Variants in ANKRD30A observed in about 807,000 individuals in gnomAD.
ANKRD30A encodes ankyrin repeat domain 30A.
In ANKRD30A, 170 loss-of-function variants were observed where a neutral mutation model predicts 166.3. The ratio of observed to expected loss-of-function variants is 1.02; its 90% CI spans 0.90 to 1.16. The LOEUF (loss-of-function observed/expected upper bound fraction) is 1.16, where lower values mean the gene tolerates loss of function less well. Ranked by LOEUF, ANKRD30A falls within the 50% of genes most tolerant of loss-of-function variation. The pLI is 0.00. For missense variants in ANKRD30A, 1,630 were observed against 1,518.0 expected (o/e 1.07, Z -1.23); for synonymous variants, 564 against 508.9 (o/e 1.11, Z -1.46).
the ANKRD30A span, chr10:37,248,086 C>T: frequency 2.0e-6 from 1 of 506,298 alleles, no homozygotes; most frequent in Non-Finnish European, 3.9e-6. Context: ...ATTGGAAGGG[C>T]CACTCTTAAT....
intron 5 of ANKRD30A, among the ~76,000 whole-genome samples, chr10:37,136,010 A>G (rs1056005269): frequency 6.6e-6 from 1 of 152,162 alleles, no homozygotes; most frequent in African/African-American, 2.4e-5. Context: ...CAGGGTTGTC[A>G]TGAACTTCTG....
At chr10:37,225,927 A>T (rs1337938005) in intron 34 of ANKRD30A, among the ~76,000 whole-genome samples, 1 of 151,686 alleles carries the variant, frequency 6.6e-6, no homozygotes, top group Non-Finnish European at 1.5e-5. Flanking sequence ...GTCTAAAAAA[A>T]AATTCGGCAT....
intron 11 of ANKRD30A, among the ~76,000 whole-genome samples, chr10:37,151,147 C>T (rs1350553591): frequency 6.6e-6 from 1 of 151,862 alleles, no homozygotes; most frequent in Non-Finnish European, 1.5e-5. Context: ...AGTGATGAAA[C>T]GGTCTTTTAA....
intron 27 of ANKRD30A, among the ~76,000 whole-genome samples, chr10:37,196,976 C>T (rs1362920046): frequency 7.9e-5 from 12 of 152,114 alleles, no homozygotes; most frequent in African/African-American, 2.2e-4. Context: ...TCATTAAGTA[C>T]GTGGCGTAGC....
chr10:37,191,483 C>T (rs1408500418), intron 25 of ANKRD30A, among the ~76,000 whole-genome samples: 1 of 151,852 alleles, frequency 6.6e-6, no homozygotes, highest in Non-Finnish European at 1.5e-5. Context: ...GCCTTAAAGA[C>T]ACATGGTGTA....
chr10:37,203,765 G>C (rs906296045), intron 31 of ANKRD30A, among the ~76,000 whole-genome samples: 1 of 152,170 alleles, frequency 6.6e-6, no homozygotes, highest in Non-Finnish European at 1.5e-5. Flanking sequence ...ATCTTCTTAA[G>C]CTGATATAAG....
At chr10:37,241,521 T>C in the ANKRD30A span, among the ~76,000 whole-genome samples, 1 of 151,980 alleles carries the variant, frequency 6.6e-6, no homozygotes, top group Non-Finnish European at 1.5e-5. Context: ...TATTATTGAG[T>C]TTTACATACT....
In ANKRD30A at chr10:37,142,171, C is replaced by T; in HGVS notation, c.1274C>T (p.Pro425Leu). 6.2e-7 allele frequency: 1 copy of T among 1,614,026 alleles called. No homozygotes were observed. The highest frequency in any genetic ancestry group is 8.5e-7 in the Non-Finnish European group (1 of 1,180,010). ...RKIAWEKKET[P>L]VKTGCVARVT... The stretch of plus-strand genomic sequence containing the variant: ...ATCGCATGGGAGAAAAAAGAAACAC[C>T]TGTAAAGACTGGATGCGTGGCAAGA... The change falls in exon 7 of 36, where the codon CCT (proline) becomes CTT (leucine). Residue 425 changes from proline (P) to leucine (L), a missense_variant. This residue lies in a region of ANKRD30A where 904 missense variants were observed against 818.5 expected (regional missense o/e 1.10). Transcript: ENST00000361713.
chr10:37,257,250 T>C, the ANKRD30A span, among the ~76,000 whole-genome samples: 1 of 152,116 alleles, frequency 6.6e-6, no homozygotes, highest in Non-Finnish European at 1.5e-5. Flanking sequence ...ATCCCCTTTA[T>C]CATTTTTTAT....
chr10:37,135,720 A>G (rs1330124300), intron 5 of ANKRD30A, among the ~76,000 whole-genome samples: 1 of 152,224 alleles, frequency 6.6e-6, no homozygotes, highest in East Asian at 1.9e-4. Flanking sequence ...AGATGCTGAC[A>G]TCTATTAGTT....
chr10:37,162,548 A>G lies in ANKRD30A; in HGVS notation c.1901-101A>G, dbSNP rs1043405567. ...CCAAATCTAAAGTATTCATTCTCCA[A>G]TTGGAGCAAGAGGAGTCAGTTAAAT... On this transcript the variant is annotated intron_variant, in intron 15 of 35. Coordinates refer to ENST00000361713, the MANE Select transcript of ANKRD30A (RefSeq NM_052997.3). 1.1e-5 allele frequency: 16 copies of G among 1,466,534 alleles called. No individual in the cohort carries two copies. In the African/African-American group the frequency reaches 1.3e-4, roughly 12 times the overall value. The allele number at this position is 1,466,534 out of a possible 1,614,324, so 90.8% of individuals were successfully genotyped here.
intron 32 of ANKRD30A, among the ~76,000 whole-genome samples, chr10:37,216,923 A>T (rs2132735811): frequency 6.6e-6 from 1 of 151,190 alleles, no homozygotes; most frequent in South Asian, 2.1e-4. Flanking sequence ...TCAATTATAC[A>T]CTTTTAATCT....
intron 27 of ANKRD30A, among the ~76,000 whole-genome samples, chr10:37,194,684 T>C (rs1840922843): frequency 1.3e-5 from 2 of 152,164 alleles, no homozygotes; most frequent in African/African-American, 4.8e-5. Context: ...ACACTGTACG[T>C]ATTGTCCTGG....
At chr10:37,133,552 C>T (rs567033764) in intron 4 of ANKRD30A, among the ~76,000 whole-genome samples, 1 of 152,306 alleles carries the variant, frequency 6.6e-6, no homozygotes, top group East Asian at 1.9e-4. Context: ...TGTTTTAAGC[C>T]TTCAGATTGC....
chr10:37,137,577 A>T (rs1380887341), intron 6 of ANKRD30A, among the ~76,000 whole-genome samples: 1 of 152,194 alleles, frequency 6.6e-6, no homozygotes, highest in Non-Finnish European at 1.5e-5. Context: ...AGGAGATTAT[A>T]TCCCGAGCAT....
intron 25 of ANKRD30A, among the ~76,000 whole-genome samples, chr10:37,190,934 G>T (rs1840506790): frequency 6.6e-6 from 1 of 151,632 alleles, no homozygotes; most frequent in Non-Finnish European, 1.5e-5. Context: ...AAATTGTGTT[G>T]GTAAAATTGC....
downstream of ANKRD30A, among the ~76,000 whole-genome samples, chr10:37,237,361 A>C (rs1843710033): frequency 6.6e-6 from 1 of 152,218 alleles, no homozygotes; most frequent in South Asian, 2.1e-4. Context: ...TTTTAAAAAC[A>C]GTTAGATGCA....
Position 37,218,965 on chromosome 10 carries a change from T to G in ANKRD30A, c.3268-15T>G. ...TTATTGAGTGCTAGCTAAAAGTTTA[T>G]TTTGTTTTATTTAGGTTTCTCACAC... On this transcript the variant is annotated splice_polypyrimidine_tract_variant and intron_variant, in intron 33 of 35. Transcript: ENST00000361713. 1 of 1,524,126 alleles carries G rather than the reference T, an allele frequency of 6.6e-7. No individual in the cohort carries two copies. Among genetic ancestry groups the G allele is most frequent in the Non-Finnish European group, 8.9e-7 (1 of 1,127,798 alleles). 94.4% of individuals were successfully genotyped at this position (1,524,126 alleles called of 1,614,324 possible). A position where few individuals can be genotyped will look rare whatever the true frequency, so the allele number is the denominator to read the frequency against.
chr10:37,161,464 T>C (rs1838863492), intron 15 of ANKRD30A, among the ~76,000 whole-genome samples: 1 of 152,074 alleles, frequency 6.6e-6, no homozygotes, highest in Non-Finnish European at 1.5e-5. Flanking sequence ...GTTTTTATTT[T>C]TTATTTATTT....
Sources: gnomAD v4.1 joint callset for allele counts (sites outside exome capture counted in the v4.1 genomes callset) on GRCh38, gnomAD v4.1.1 for gene constraint, gnomAD v4.1.1 regional missense constraint, MANE v1.5 for transcripts, NCBI Gene and HGNC (gene_info 2026-07-23, HGNC 2026-07-21) for gene names.